Variants in MYH14 observed in about 807,000 individuals in gnomAD.
MYH14 encodes myosin-14.
In MYH14, 123 loss-of-function variants were observed where a neutral mutation model predicts 255.5. That is an observed-to-expected ratio of 0.48 (90% CI 0.42 to 0.56). The LOEUF is 0.56. Ranked by LOEUF, MYH14 falls within the 20% of genes least tolerant of loss-of-function variation. The pLI, the probability that MYH14 is intolerant of heterozygous loss-of-function variation, is 0.00. For synonymous variants in MYH14, 1,095 were observed against 1,161.2 expected (o/e 0.94, Z 1.16); for missense variants, 2,423 against 2,802.3 (o/e 0.86, Z 3.06).
chr19:50,257,459 C>A lies in MYH14; in HGVS notation c.2205C>A (p.Arg735=). ...TLSNTNPSFV[R]CIVPNHEKRA... The stretch of plus-strand genomic sequence containing the variant: ...GCAACACCAACCCCAGTTTTGTCCG[C>A]TGCATTGTCCCCAACCACGAGAAGA... Residue 735 remains arginine (R), a synonymous_variant, in exon 18 of 43, where the codon CGC becomes CGA. Transcript: ENST00000642316. The A allele has an allele frequency of 1.9e-6, 3 of 1,603,566 alleles. No homozygotes were observed. Among genetic ancestry groups the A allele is most frequent in the Non-Finnish European group, 2.6e-6 (3 of 1,174,572 alleles).
chr19:50,295,357 A>G (rs1242194042), intron 39 of MYH14, among the ~76,000 whole-genome samples: 1 of 151,302 alleles, frequency 6.6e-6, no homozygotes, highest in Non-Finnish European at 1.5e-5. Context: ...AACAAAAAAA[A>G]CAGGCCAGGT....
chr19:50,275,372 G>A (rs7251139), intron 27 of MYH14, among the ~76,000 whole-genome samples: 4,324 of 152,276 alleles, frequency 0.028, 197 homozygotes, highest in African/African-American at 0.098. Flanking sequence ...CGGTAACCTC[G>A]GCAAGTGCTT....
At chr19:50,262,759 GGGTGGGGCCTGAACTGC>G (rs1487838533) in intron 21 of MYH14, among the ~76,000 whole-genome samples, 1 of 152,144 alleles carries the variant, frequency 6.6e-6, no homozygotes, top group East Asian at 1.9e-4. Flanking sequence ...AGGCAAGGGA[GGGTGGGGCCTGAACTGC>G]GGCTGGGGCT....
At chr19:50,272,121 T>A (rs1339846803) in intron 26 of MYH14, 149 bp downstream of exon 26, 1 of 1,080,862 alleles carries the variant, frequency 9.3e-7, no homozygotes, top group African/African-American at 1.6e-5. Context: ...TCCCAGCTCT[T>A]GAGTTCTTAA....
At chr19:50,286,716 C>T (rs930373412) in intron 34 of MYH14, 22 bp downstream of exon 34, 10 of 1,552,012 alleles carry the variant, frequency 6.4e-6, no homozygotes, top group Middle Eastern at 2.3e-4. Flanking sequence ...CCCCGCTCCC[C>T]GGGACACACT....
chr19:50,245,952 C>CTCCT (rs1231413915), intron 11 of MYH14, among the ~76,000 whole-genome samples: 1 of 133,376 alleles, frequency 7.5e-6, no homozygotes, highest in African/African-American at 3.1e-5. Flanking sequence ...CCCTCCCTCC[C>CTCCT]TCCCTCCCTC....
Position 50,309,753 on chromosome 19 carries a change from C to A in MYH14, c.6074C>A (p.Pro2025Gln). 6.3e-7 allele frequency: 1 copy of A among 1,590,950 alleles called. No homozygotes were observed. Among genetic ancestry groups the A allele is most frequent in the East Asian group, 2.3e-5 (1 of 43,464 alleles). The change falls in exon 43 of 43, where the codon CCG becomes CAG. Residue 2025 changes from proline (P) to glutamine (Q), a missense_variant. Around this residue, in one of 3 missense-constraint regions of MYH14, gnomAD observed 1,513 missense variants for 1,674.8 expected, o/e 0.90. Coordinates refer to ENST00000642316, the MANE Select transcript of MYH14 (RefSeq NM_001145809.2). The stretch of plus-strand genomic sequence containing the variant: ...GCACAGCCTGGGTCTGGGCCATCCC[C>A]GGAGCCTGAGGGGTCCCCACCAGCC... ...EEAQPGSGPS[P>Q]EPEGSPPAHP...
In MYH14 at chr19:50,252,737, A is replaced by T. The variant is rs1246049254; in HGVS notation, c.1929A>T (p.Ala643=). 1 of 1,590,002 alleles carries T rather than the reference A, an allele frequency of 6.3e-7. No individual in the cohort carries two copies. The highest frequency in any genetic ancestry group is 8.6e-7 in the Non-Finnish European group (1 of 1,168,732). The change falls in exon 16 of 43, where the codon GCA becomes GCT. Residue 643 remains alanine, a synonymous_variant. Coordinates refer to ENST00000642316, the MANE Select transcript of MYH14 (RefSeq NM_001145809.2). This position sits in a 1 kb window ranked among gnomAD's most constrained non-coding sequence, Gnocchi z 4.2. ...LLHQSTDRLT[A]EIWKDEHGGF... is the part of the protein sequence containing the mutation. Reference sequence around the variant, plus strand: ...ACCAGAGCACAGACCGGCTGACGGCAGAGATCTGGAAAGACGGTGAGGACC... The same window carrying T: ...ACCAGAGCACAGACCGGCTGACGGCTGAGATCTGGAAAGACGGTGAGGACC...
Position 50,272,777 on chromosome 19 carries a change from G to A in MYH14, c.3467+46G>A, listed in dbSNP as rs760477523. 17 of 1,536,546 alleles carry A rather than the reference G, an allele frequency of 1.1e-5. No individual in the cohort carries two copies. In the African/African-American group the frequency reaches 1.7e-4, roughly 15 times the overall value. On this transcript the variant is annotated intron_variant, in intron 27 of 42. Transcript: ENST00000642316. ...GGTGGGGTAAGCAGCATGGGTGCAC[G>A]GCCAGCCAGCGTGGGGTGCCCAAGT...
rs975938878 is a variant in MYH14 at position 50,276,532 on chromosome 19, T to G, written c.3681-225T>G. On this transcript the variant is annotated intron_variant, in intron 28 of 42. Coordinates refer to ENST00000642316, the MANE Select transcript of MYH14 (RefSeq NM_001145809.2). The surrounding 1 kb of genome is among the most constrained non-coding windows in gnomAD (Gnocchi z 4.3). Reference sequence around the variant, plus strand: ...AAGTCTATGGGAGATCCAGGAAGACTTTCCTGAGGAAGGGCCTTTTGGAAA... The same window carrying G: ...AAGTCTATGGGAGATCCAGGAAGACGTTCCTGAGGAAGGGCCTTTTGGAAA... Among the ~76,000 whole-genome samples the G allele has an allele frequency of 3.9e-5, 6 of 152,072 alleles. No homozygotes were observed. The highest frequency in any genetic ancestry group is 1.2e-4 in the African/African-American group (5 of 41,394).
chr19:50,245,431 AAG>A (rs1491034953), intron 11 of MYH14, among the ~76,000 whole-genome samples: 1 of 128,622 alleles, frequency 7.8e-6, no homozygotes, highest in African/African-American at 2.9e-5. Flanking sequence ...AAAAAAAAAA[AAG>A]AAGAAGAAAG....
intron 33 of MYH14, 92 bp downstream of exon 33, chr19:50,281,934 C>G: frequency 7.2e-7 from 1 of 1,395,792 alleles, no homozygotes. Context: ...CGTGCTGTCA[C>G]GGCTCAACTA....
intron 9 of MYH14, among the ~76,000 whole-genome samples, chr19:50,231,381 C>G (rs1386349814): frequency 6.6e-6 from 1 of 152,260 alleles, no homozygotes; most frequent in Admixed American, 6.5e-5. Flanking sequence ...CTGGGCACTT[C>G]TAGAGACTCA....
intron 30 of MYH14, 73 bp from the exon 31 acceptor site, chr19:50,279,962 TAG>T (rs2035650011): frequency 9.7e-7 from 1 of 1,026,780 alleles, no homozygotes; most frequent in Admixed American, 2.0e-5. Flanking sequence ...GCCAGTGTGG[TAG>T]AGAGTTGAGG....
chr19:50,246,995 C>T lies in MYH14; in HGVS notation c.1211-9C>T, dbSNP rs780914968. ...GTGCTGATGGAATCTTGGTGCCTCTCGCCCTCAGCTGCACAGAAGCTCTGC... is the reference window on the plus strand; with the variant it reads ...GTGCTGATGGAATCTTGGTGCCTCTTGCCCTCAGCTGCACAGAAGCTCTGC... On this transcript the variant is annotated splice_polypyrimidine_tract_variant and intron_variant, in intron 11 of 42. Transcript: ENST00000642316. The T allele has an allele frequency of 6.3e-6, 10 of 1,597,226 alleles. No individual in the cohort carries two copies. Among genetic ancestry groups the T allele is most frequent in the Admixed American group, 1.7e-5 (1 of 58,928 alleles).
At chr19:50,238,428 T>C (rs1048239200) in intron 10 of MYH14, among the ~76,000 whole-genome samples, 4 of 152,324 alleles carry the variant, frequency 2.6e-5, no homozygotes, top group African/African-American at 9.6e-5. Context: ...GGATGTGTCC[T>C]TCTTTATTTA....
Position 50,268,349 on chromosome 19 carries a change from G to A in MYH14, c.3015G>A (p.Arg1005=). ...CSRQMQTEKK[R]LQQHIQELEA... ...GTCAAATGCAAACCGAGAAGAAGAG[G>A]CTGCAGCAGCACATACAGGTCTGGC... is the stretch of plus-strand genomic sequence containing the variant. The change falls in exon 24 of 43, where the codon AGG becomes AGA. Residue 1005 remains arginine (R), a synonymous_variant. Coordinates refer to ENST00000642316, the MANE Select transcript of MYH14 (RefSeq NM_001145809.2). 1 of 1,578,444 alleles carries A rather than the reference G, an allele frequency of 6.3e-7. No homozygotes were observed. The highest frequency in any genetic ancestry group is 8.6e-7 in the Non-Finnish European group (1 of 1,163,240).
chr19:50,231,284 T>C (rs1345740946), intron 9 of MYH14, among the ~76,000 whole-genome samples: 1 of 152,252 alleles, frequency 6.6e-6, no homozygotes, highest in Non-Finnish European at 1.5e-5. Flanking sequence ...CGCATGTCCT[T>C]GGGCGCCGGC....
intron 13 of MYH14, 58 bp from the exon 14 acceptor site, chr19:50,249,592 G>GTCTCTGGGTCTCTGTCCCCTC: frequency 6.2e-7 from 1 of 1,606,964 alleles, no homozygotes; most frequent in Non-Finnish European, 8.5e-7. Context: ...TCTGTCCCCT[G>GTCTCTGGGTCTCTGTCCCCTC]TCTCTGGGTC....
Sources: allele counts gnomAD v4.1 joint callset (sites outside exome capture counted in the v4.1 genomes callset), GRCh38; gene constraint gnomAD v4.1.1; regional missense constraint gnomAD v4.1.1; non-coding constraint Gnocchi (gnomAD v3.1); transcripts MANE v1.5; gene names NCBI Gene and HGNC (gene_info 2026-07-23, HGNC 2026-07-21).